KIF1A: variants seen among roughly 807,000 people sequenced by gnomAD.
KIF1A encodes kinesin-like protein KIF1A.
In KIF1A, 46 loss-of-function variants were observed where a neutral mutation model predicts 227.3. The observed-to-expected ratio is 0.20, with a 90% CI of 0.16 to 0.26. The LOEUF is 0.26. Ranked by LOEUF, KIF1A falls within the 10% of genes least tolerant of loss-of-function variation. The pLI, the probability that KIF1A is intolerant of heterozygous loss-of-function variation, is 1.00. For missense variants in KIF1A, 1,683 were observed against 2,485.9 expected (o/e 0.68, Z 6.87); for synonymous variants, 1,022 against 1,012.8 (o/e 1.01, Z -0.17).
Position 240,740,327 on chromosome 2 carries a change from G to C in KIF1A, c.3787C>G (p.Pro1263Ala). 1 of 1,613,712 alleles carries C rather than the reference G, an allele frequency of 6.2e-7. No individual in the cohort carries two copies. Among genetic ancestry groups the C allele is most frequent in the East Asian group, 2.2e-5 (1 of 44,882 alleles). ...PAVVDHRGGMPCMGTFLLHQG... is the reference protein window; with the variant it reads ...PAVVDHRGGMACMGTFLLHQG... ...TGGAGGAGGAAGGTCCCCATGCATGGCATGCCCCCACGGTGGTCCACCACG... is the reference window on the plus strand; with the variant it reads ...TGGAGGAGGAAGGTCCCCATGCATGCCATGCCCCCACGGTGGTCCACCACG... Residue 1263 changes from proline to alanine, a missense_variant, in exon 36 of 49, where the codon CCA (proline) becomes GCA (alanine). By Grantham distance (27) the Pro-to-Ala change is conservative (BLOSUM62 -1). Coordinates refer to ENST00000498729, the MANE Select transcript of KIF1A (RefSeq NM_001244008.2). The surrounding 1 kb of genome is among the most constrained non-coding windows in gnomAD (Gnocchi z 6.1).
At chr2:240,764,176 T>C (rs760739942) in intron 20 of KIF1A, among the ~76,000 whole-genome samples, 3 of 152,170 alleles carry the variant, frequency 2.0e-5, no homozygotes, top group Non-Finnish European at 4.4e-5. Context: ...CCTGCAGGTC[T>C]GTCCCCCCTC....
chr2:240,745,204 C>T (rs1170126011), intron 32 of KIF1A, among the ~76,000 whole-genome samples: 1 of 152,120 alleles, frequency 6.6e-6, no homozygotes, highest in South Asian at 2.1e-4. Flanking sequence ...ATGAGCAGCT[C>T]CCAGGGGCTC....
In KIF1A at chr2:240,782,505, C is replaced by T. The variant is rs983818146; in HGVS notation, c.882+85G>A. The T allele has an allele frequency of 1.3e-5, 18 of 1,412,370 alleles. No homozygotes were observed. In the African/African-American group the frequency reaches 1.6e-4, roughly 12 times the overall value. The allele number at this position is 1,412,370 out of a possible 1,614,324, so 87.5% of individuals were successfully genotyped here. A position where few individuals can be genotyped will look rare whatever the true frequency, so the allele number is the denominator to read the frequency against. ...CTCCCAGCGCACTCACTGCCCGCCC[C>T]GCCCCTCACCACAGGGCGCCAATGC... is the stretch of plus-strand genomic sequence containing the variant. On this transcript the variant is annotated intron_variant, in intron 10 of 48. Transcript: ENST00000498729.
intron 18 of KIF1A, 115 bp from the exon 19 acceptor site, chr2:240,767,136 C>T: frequency 8.9e-7 from 1 of 1,120,972 alleles, no homozygotes; most frequent in Non-Finnish European, 1.3e-6. Flanking sequence ...CCAGCGCAGA[C>T]ATCAGTGGGG....
intron 38 of KIF1A, among the ~76,000 whole-genome samples, chr2:240,729,271 A>C (rs531649864): frequency 7.6e-4 from 107 of 140,806 alleles, no homozygotes; most frequent in African/African-American, 3.1e-3. Context: ...AAAGTCCCTA[A>C]AGGGCCTCAG....
At chr2:240,772,480 G>A in intron 14 of KIF1A, 90 bp downstream of exon 14, 1 of 1,147,918 alleles carries the variant, frequency 8.7e-7, no homozygotes, top group Admixed American at 2.0e-5. Context: ...GTACCCTGGG[G>A]TTCACCCCTC....
intron 12 of KIF1A, 140 bp from the exon 13 acceptor site, chr2:240,773,396 C>G: frequency 9.7e-7 from 1 of 1,029,008 alleles, no homozygotes; most frequent in Non-Finnish European, 1.4e-6. Context: ...CCAGCACAGC[C>G]TGGCACAGAG....
chr2:240,795,827 G>A (rs910885093), intron 2 of KIF1A, among the ~76,000 whole-genome samples: 1 of 152,164 alleles, frequency 6.6e-6, no homozygotes, highest in Non-Finnish European at 1.5e-5. Flanking sequence ...GCCTGAGGCT[G>A]GGCCATTCTC....
chr2:240,728,284 G>A (rs1337002343), intron 38 of KIF1A: 5 of 608,816 alleles, frequency 8.2e-6, no homozygotes, highest in African/African-American at 7.6e-5. Context: ...GACAGCGGGT[G>A]GTCAGAGAAA....
At position 240,787,149 on chromosome 2, in the gene KIF1A, G is replaced by A. The variant is rs1176838630; in HGVS notation, c.429+102C>T. 8 of 943,752 alleles carry A rather than the reference G, an allele frequency of 8.5e-6. No homozygotes were observed. In the Admixed American group the frequency reaches 1.4e-4, roughly 17 times the overall value. 58.5% of individuals were successfully genotyped at this position (943,752 alleles called of 1,614,324 possible). A position where few individuals can be genotyped will look rare whatever the true frequency, so the allele number is the denominator to read the frequency against. ...GATGAGTGAGGGACAAGCTGGGCGT[G>A]CAGACCCGTGGTGGGCACTCACTTT... On this transcript the variant is annotated intron_variant, in intron 5 of 48. Transcript: ENST00000498729.
In KIF1A at chr2:240,725,383, C is replaced by A. The variant is rs2045893727; in HGVS notation, c.4144G>T (p.Ala1382Ser). ...YIEMENCTQP[A>S]VVTKDFCMVF... The stretch of plus-strand genomic sequence containing the variant: ...ATGCAGAAGTCCTTGGTGACAACAG[C>A]CGGCTGGGTGCAGTTCTCCATCTGA... Residue 1382 changes from alanine (A) to serine (S), a missense_variant, in exon 40 of 49, where the codon GCT becomes TCT. By Grantham distance (99) the Ala-to-Ser change is moderately conservative. Coordinates refer to ENST00000498729, the MANE Select transcript of KIF1A (RefSeq NM_001244008.2). This position sits in a 1 kb window ranked among gnomAD's most constrained non-coding sequence, Gnocchi z 5.8. 3 of 1,612,378 alleles carry A rather than the reference C, an allele frequency of 1.9e-6. No homozygotes were observed. The highest frequency in any genetic ancestry group is 1.7e-5 in the Admixed American group (1 of 59,960).
Position 240,772,553 on chromosome 2 carries a change from G to A in KIF1A, c.1207+17C>T. On this transcript the variant is annotated intron_variant, in intron 14 of 48. Coordinates refer to ENST00000498729, the MANE Select transcript of KIF1A (RefSeq NM_001244008.2). ...GCTGGAAGCAGAGATGCAGAGAGCAGCAAAGGGAATACACACATTTGGGTC... is the reference window on the plus strand; with the variant it reads ...GCTGGAAGCAGAGATGCAGAGAGCAACAAAGGGAATACACACATTTGGGTC... The A allele has an allele frequency of 1.3e-6, 2 of 1,547,418 alleles. No individual in the cohort carries two copies. Among genetic ancestry groups the A allele is most frequent in the Non-Finnish European group, 8.7e-7 (1 of 1,144,212 alleles).
Position 240,752,703 on chromosome 2 carries a change from C to T in KIF1A, c.2859-2156G>A, listed in dbSNP as rs374716002. Among the ~76,000 whole-genome samples the T allele has an allele frequency of 5.4e-3, 814 of 152,142 alleles. 9 individuals are homozygous for T. The highest frequency in any genetic ancestry group is 0.018 in the African/African-American group (745 of 41,514). ...GCCCCTGCCCTCCAGCCCCCACCCA[C>T]CCCACATTTTCCCAGAGCTAGTGCC... On this transcript the variant is annotated intron_variant, in intron 27 of 48. Coordinates refer to ENST00000498729, the MANE Select transcript of KIF1A (RefSeq NM_001244008.2). This position sits in a 1 kb window ranked among gnomAD's most constrained non-coding sequence, Gnocchi z 6.4.
intron 14 of KIF1A, 174 bp from the exon 15 acceptor site, chr2:240,771,278 G>C (rs2051943622): frequency 1.3e-6 from 1 of 780,556 alleles, no homozygotes; most frequent in Non-Finnish European, 2.1e-6. Context: ...GAGAAGGCAA[G>C]AAACAGAAAC....
rs2056498096 is a variant in KIF1A at position 240,797,204 on chromosome 2, A to G, written c.106+443T>C. The stretch of plus-strand genomic sequence containing the variant: ...TGGGGAAACATATGGGTGTCCTTAT[A>G]AGAAAGCCAAACCCAGTGGTGGGTG... On this transcript the variant is annotated intron_variant, in intron 2 of 48. Transcript: ENST00000498729. Among the ~76,000 whole-genome samples, 4 of 152,224 alleles carry G rather than the reference A, an allele frequency of 2.6e-5. No individual in the cohort carries two copies. The South Asian group carries it at 8.3e-4, about 31-fold the overall frequency.
chr2:240,729,495 C>T (rs2046376216), intron 38 of KIF1A, among the ~76,000 whole-genome samples: 1 of 152,216 alleles, frequency 6.6e-6, no homozygotes. Context: ...CCTGGGGCTC[C>T]TTGGCCCCTG....
At chr2:240,724,405 C>T in intron 40 of KIF1A, 1 of 338,802 alleles carries the variant, frequency 3.0e-6, no homozygotes, top group Non-Finnish European at 5.6e-6. Context: ...CCCCACAGAG[C>T]AGCCCCACTG....
Position 240,718,708 on chromosome 2 carries a change from G to A in KIF1A, c.5214+298C>T, listed in dbSNP as rs62187812. Among the ~76,000 whole-genome samples the A allele has an allele frequency of 0.013, 2,028 of 152,344 alleles. 22 individuals carry two copies. The highest frequency in any genetic ancestry group is 0.019 in the Non-Finnish European group (1,303 of 68,024). ...GGTGCCACCCACCTTGGGTGACTCC[G>A]GAGGAGGGGACATGGCTGTGGCCAT... On this transcript the variant is annotated intron_variant, in intron 47 of 48. Coordinates refer to ENST00000498729, the MANE Select transcript of KIF1A (RefSeq NM_001244008.2).
At position 240,763,016 on chromosome 2, in the gene KIF1A, C is replaced by T. The variant is rs566702367; in HGVS notation, c.2022+3G>A. ...GCAGGGAGGGCGGGGCCACGTCACTCACCAGCCGCTGCTGCTCCAGCAGGT... is the reference window on the plus strand; with the variant it reads ...GCAGGGAGGGCGGGGCCACGTCACTTACCAGCCGCTGCTGCTCCAGCAGGT... On this transcript the variant is annotated splice_donor_region_variant and intron_variant, in intron 22 of 48. Transcript: ENST00000498729. 4 of 1,495,590 alleles carry T rather than the reference C, an allele frequency of 2.7e-6. No homozygotes were observed. The highest frequency in any genetic ancestry group is 3.6e-6 in the Non-Finnish European group (4 of 1,124,262). 92.6% of individuals were successfully genotyped at this position (1,495,590 alleles called of 1,614,324 possible).
Sources: allele counts gnomAD v4.1 joint callset (sites outside exome capture counted in the v4.1 genomes callset), GRCh38; gene constraint gnomAD v4.1.1; non-coding constraint Gnocchi (gnomAD v3.1); transcripts MANE v1.5; gene names NCBI Gene and HGNC (gene_info 2026-07-23, HGNC 2026-07-21).